Variants in H2BW1 observed in about 807,000 individuals in gnomAD.
The protein encoded by H2BW1 is histone H2B type W-T.
In H2BW1, 9 loss-of-function variants were observed where a neutral mutation model predicts 8.0. The ratio of observed to expected loss-of-function variants is 1.13; its 90% CI spans 0.68 to 1.97. The LOEUF is 1.97. Ranked by LOEUF, H2BW1 falls within the 30% of genes most tolerant of loss-of-function variation. The probability of loss-of-function intolerance (pLI) is 0.00; values close to 1 mark genes in which losing one functional copy is unlikely to be tolerated. For missense variants in H2BW1, 137 were observed against 132.0 expected, an observed-to-expected ratio of 1.04 and a Z score of -0.19; for synonymous variants, 58 against 54.7, an observed-to-expected ratio of 1.06 and a Z score of -0.26.
At chrX:104,012,588 T>C in intron 2 of H2BW1, 102 bp downstream of exon 2, 1 of 1,128,178 alleles carries the variant, frequency 8.9e-7, no homozygotes, top group Non-Finnish European at 1.2e-6. Flanking sequence ...AACGGATTCT[T>C]GAAAATTTTA....
At chrX:104,012,624 G>T (rs2075129177) in intron 2 of H2BW1, 66 bp downstream of exon 2, 1 of 1,201,446 alleles carries the variant, frequency 8.3e-7, no homozygotes, top group South Asian at 1.8e-5. Context: ...ACTGTAACTT[G>T]GCCTCATTTG....
Position 104,013,600 on chromosome X carries a change from G to A in H2BW1, c.-24C>T, listed in dbSNP as rs781955220. 3.3e-6 allele frequency: 4 copies of A among 1,211,237 alleles called. No homozygotes were observed. The highest frequency in any genetic ancestry group is 4.5e-6 in the Non-Finnish European group (4 of 895,143). On this transcript the variant is annotated 5_prime_UTR_variant, in exon 1 of 3. Transcript: ENST00000217926. ...ATGGCGGAGGCAGTGGCCATTAGAT[G>A]GCACGACCAGACAATGGCGGTTGTG...
In H2BW1 at chrX:104,013,431, CG is replaced by C; in HGVS notation, c.145del (p.Arg49AlafsTer13). On this transcript the variant is annotated frameshift_variant, in exon 1 of 3. Coordinates refer to ENST00000217926, the MANE Select transcript of H2BW1 (RefSeq NM_001002916.5). LOFTEE classifies it high-confidence loss of function. ...HGPRRCHSNC[R>X]GDSFATYFRR... Reference sequence around the variant, plus strand: ...GAAATAGGTGGCGAAGCTGTCCCCGCGGCAGTTGGAGTGGCACCTGCGGGGC... The same window carrying C: ...GAAATAGGTGGCGAAGCTGTCCCCGCGCAGTTGGAGTGGCACCTGCGGGGC... 2 of 1,212,270 alleles carry C rather than the reference CG, an allele frequency of 1.6e-6. No homozygotes were observed. The highest frequency in any genetic ancestry group is 2.2e-6 in the Non-Finnish European group (2 of 895,611).
intron 2 of H2BW1, among the ~76,000 whole-genome samples, 155 bp from the exon 3 acceptor site, chrX:104,011,618 A>G (rs2075126724): frequency 9.0e-6 from 1 of 111,247 alleles, no homozygotes; most frequent in South Asian, 3.8e-4. Context: ...CCATGCCCCC[A>G]TTTCCCTCTT....
At position 104,013,593 on chromosome X, in the gene H2BW1, A is replaced by T. The variant is rs1556337856; in HGVS notation, c.-17T>A. 8.3e-7 allele frequency: 1 copy of T among 1,211,472 alleles called. No individual in the cohort carries two copies. Among genetic ancestry groups the T allele is most frequent in the Non-Finnish European group, 1.1e-6 (1 of 895,292 alleles). On this transcript the variant is annotated 5_prime_UTR_variant, in exon 1 of 3. It removes an upstream start codon present in the reference 5' UTR. Transcript: ENST00000217926. The stretch of plus-strand genomic sequence containing the variant: ...TCCAGCCATGGCGGAGGCAGTGGCC[A>T]TTAGATGGCACGACCAGACAATGGC...
At chrX:104,011,511 C>T (rs2075126550) in intron 2 of H2BW1, 48 bp from the exon 3 acceptor site, 2 of 111,925 alleles carry the variant, frequency 1.8e-5, no homozygotes, top group Non-Finnish European at 3.8e-5. Context: ...CTTCTTGGCC[C>T]TACATCCTTT....
chrX:104,012,134 C>T (rs782420812), intron 2 of H2BW1, among the ~76,000 whole-genome samples: 5 of 112,090 alleles, frequency 4.5e-5, no homozygotes, highest in African/African-American at 1.6e-4. Flanking sequence ...AGGAAATAAG[C>T]GTTATCTGAC....
chrX:104,013,418 G>A lies in H2BW1; in HGVS notation c.159C>T (p.Phe53=), dbSNP rs782087519. 3.0e-5 allele frequency: 36 copies of A among 1,211,053 alleles called. No homozygotes were observed. Among genetic ancestry groups the A allele is most frequent in the Middle Eastern group, 2.3e-4 (1 of 4,345 alleles). Residue 53 remains phenylalanine (F), a synonymous_variant, in exon 1 of 3, where the codon TTC becomes TTT. Transcript: ENST00000217926. ...RCHSNCRGDS[F]ATYFRRVLKQ... ...TCAGCACCCGGCGGAAATAGGTGGC[G>A]AAGCTGTCCCCGCGGCAGTTGGAGT...
Position 104,013,607 on chromosome X carries a change from C to T in H2BW1, c.-31G>A. 1.7e-6 allele frequency: 2 copies of T among 1,210,995 alleles called. No homozygotes were observed. Among genetic ancestry groups the T allele is most frequent in the Non-Finnish European group, 2.2e-6 (2 of 895,050 alleles). ...AGGCAGTGGCCATTAGATGGCACGA[C>T]CAGACAATGGCGGTTGTGGACCGGG... On this transcript the variant is annotated 5_prime_UTR_variant, in exon 1 of 3. It introduces an in-frame stop codon into an upstream open reading frame of the 5' UTR. Coordinates refer to ENST00000217926, the MANE Select transcript of H2BW1 (RefSeq NM_001002916.5).
At position 104,013,256 on chromosome X, in the gene H2BW1, G is replaced by C; in HGVS notation, c.321C>G (p.Ala107=). The part of the protein sequence containing the change: ...ARSTKRQTIT[A]WETRMAVRLL... ...GGCGCACAGCCATCCGGGTCTCCCA[G>C]GCAGTGATGGTCTGGCGCTTGGTGG... Residue 107 remains alanine (A), a synonymous_variant, in exon 1 of 3, where the codon GCC becomes GCG. Transcript: ENST00000217926. 14 of 1,212,298 alleles carry C rather than the reference G, an allele frequency of 1.2e-5. No individual in the cohort carries two copies. Among genetic ancestry groups the C allele is most frequent in the Non-Finnish European group, 1.5e-5 (13 of 895,636 alleles).
chrX:104,011,463 T>C lies in H2BW1; in HGVS notation c.*23A>G, dbSNP rs1221753402. On this transcript the variant is annotated splice_region_variant and 3_prime_UTR_variant, in exon 3 of 3. Coordinates refer to ENST00000217926, the MANE Select transcript of H2BW1 (RefSeq NM_001002916.5). ...TATTTTCATGACATTTTTCTAATAT[T>C]CTGCAAAAACAGAAAGTAGCAAATC... 1.8e-5 allele frequency: 2 copies of C among 112,125 alleles called. No homozygotes were observed. Among genetic ancestry groups the C allele is most frequent in the Non-Finnish European group, 3.8e-5 (2 of 53,279 alleles). 9.2% of individuals were successfully genotyped at this position (112,125 alleles called of 1,213,427 possible). A position where few individuals can be genotyped will look rare whatever the true frequency, so the allele number is the denominator to read the frequency against.
In H2BW1 at chrX:104,011,431, CTTCA is replaced by C. The variant is rs1254164276; in HGVS notation, c.*51_*54del. ...GTCTCCTTGTGCAGTGAGCATTTCT[CTTCA>C]ACTATTTTCATGACATTTTTCTAAT... On this transcript the variant is annotated 3_prime_UTR_variant, in exon 3 of 3. Coordinates refer to ENST00000217926, the MANE Select transcript of H2BW1 (RefSeq NM_001002916.5). 2 of 111,706 alleles carry C rather than the reference CTTCA, an allele frequency of 1.8e-5. No homozygotes were observed. The highest frequency in any genetic ancestry group is 3.8e-5 in the Non-Finnish European group (2 of 53,027). 9.2% of individuals were successfully genotyped at this position (111,706 alleles called of 1,213,427 possible).
In H2BW1 at chrX:104,012,652, G is replaced by T. The variant is rs1440900055; in HGVS notation, c.*22+38C>A. ...CTCATTTGCTTATTTACATGGATTC[G>T]TGATGGGAGCGGTGTTGAAAACATT... On this transcript the variant is annotated intron_variant, in intron 2 of 2. Transcript: ENST00000217926. 6 of 1,208,754 alleles carry T rather than the reference G, an allele frequency of 5.0e-6. No individual in the cohort carries two copies. In the East Asian group the frequency reaches 1.8e-4, roughly 36 times the overall value.
chrX:104,012,350 T>G (rs1201369253), intron 2 of H2BW1, among the ~76,000 whole-genome samples: 5 of 111,849 alleles, frequency 4.5e-5, no homozygotes, highest in African/African-American at 1.3e-4. Context: ...CCTGGTTCAC[T>G]GCCCCCACAC....
rs150620983 is a variant in H2BW1 at position 104,012,718 on chromosome X, T to C, written c.438A>G (p.Arg146=). ...GCTTCTTGTATCAGCGTATTCACTT[T>C]CTCTGTTGCTGTATGGCATACAGTG... ...RTSLYAIQQQ[R]K The change falls in exon 2 of 3, where the codon AGA becomes AGG. Residue 146 remains arginine, a synonymous_variant. Transcript: ENST00000217926. The C allele has an allele frequency of 2.5e-4, 299 of 1,210,117 alleles. No homozygotes were observed. Among genetic ancestry groups the C allele is most frequent in the Non-Finnish European group, 3.1e-4 (281 of 895,341 alleles).
chrX:104,013,605 G>A lies in H2BW1; in HGVS notation c.-29C>T, dbSNP rs150354147. ...GGAGGCAGTGGCCATTAGATGGCAC[G>A]ACCAGACAATGGCGGTTGTGGACCG... On this transcript the variant is annotated 5_prime_UTR_variant, in exon 1 of 3. Coordinates refer to ENST00000217926, the MANE Select transcript of H2BW1 (RefSeq NM_001002916.5). 400 of 1,209,468 alleles carry A rather than the reference G, an allele frequency of 3.3e-4. 3 individuals carry two copies. In the African/African-American group the frequency reaches 6.0e-3, roughly 18 times the overall value.
At chrX:104,013,086 C>A (rs1556337627) in intron 1 of H2BW1, 84 bp downstream of exon 1, 3 of 1,117,796 alleles carry the variant, frequency 2.7e-6, no homozygotes, top group Non-Finnish European at 3.6e-6. Context: ...GTCTTTCAGG[C>A]CACATTCAGT....
intron 2 of H2BW1, among the ~76,000 whole-genome samples, chrX:104,011,836 A>G (rs1237870228): frequency 8.9e-6 from 1 of 111,933 alleles, no homozygotes; most frequent in Non-Finnish European, 1.9e-5. Flanking sequence ...ATGTTTCAAA[A>G]TTCACGGGAA....
At chrX:104,012,811 T>C (rs2075129826) in intron 1 of H2BW1, 63 bp from the exon 2 acceptor site, 2 of 1,196,286 alleles carry the variant, frequency 1.7e-6, no homozygotes, top group Non-Finnish European at 2.3e-6. Flanking sequence ...ATCAGTGCAG[T>C]AATAATATCA....
Sources: allele counts gnomAD v4.1 joint callset (sites outside exome capture counted in the v4.1 genomes callset), GRCh38; gene constraint gnomAD v4.1.1; transcripts MANE v1.5; gene names NCBI Gene and HGNC (gene_info 2026-07-23, HGNC 2026-07-21).